OR2L13: variants seen among roughly 807,000 people sequenced by gnomAD.
OR2L13 encodes the protein olfactory receptor 2L13.
Under a neutral mutation model 15.3 loss-of-function variants are expected in OR2L13, and 14 were observed. The ratio of observed to expected loss-of-function variants is 0.91; its 90% CI spans 0.60 to 1.43. OR2L13 has a LOEUF of 1.43. Among genes scored for constraint, OR2L13 ranks in the 40% most tolerant of loss-of-function variants. The pLI, the probability that OR2L13 is intolerant of heterozygous loss-of-function variation, is 0.00. For missense variants in OR2L13, 367 were observed against 387.9 expected (o/e 0.95, Z 0.45); for synonymous variants, 152 against 142.9 (o/e 1.06, Z -0.45).
chr1:247,999,338 C>A, the OR2L13 span, among the ~76,000 whole-genome samples: 1 of 152,122 alleles, frequency 6.6e-6, no homozygotes, highest in Admixed American at 6.5e-5. Flanking sequence ...ATGGAAATGT[C>A]TGTCTACGTA....
chr1:248,052,337 G>C, the OR2L13 span, among the ~76,000 whole-genome samples: 1 of 152,192 alleles, frequency 6.6e-6, no homozygotes, highest in African/African-American at 2.4e-5. Flanking sequence ...ATGTATATGA[G>C]AGGCTATTTC....
chr1:248,091,692 G>C (rs1664601171), upstream of OR2L13, among the ~76,000 whole-genome samples: 1 of 152,100 alleles, frequency 6.6e-6, no homozygotes, highest in African/African-American at 2.4e-5. Context: ...TAGCCTTGTA[G>C]TATAGTTTGA....
At chr1:247,975,468 C>A in the OR2L13 span, 1 of 800,204 alleles carries the variant, frequency 1.2e-6, no homozygotes, top group Non-Finnish European at 2.2e-6. Flanking sequence ...TAGTAATTTT[C>A]TACTATGCAA....
chr1:248,042,767 C>G, the OR2L13 span, among the ~76,000 whole-genome samples: 1 of 152,060 alleles, frequency 6.6e-6, no homozygotes, highest in East Asian at 1.9e-4. Flanking sequence ...TTTTAAAACT[C>G]TCTTTCTCAT....
At chr1:248,100,091 C>G in exon 3 of OR2L13, 1 of 1,614,024 alleles carries the variant, frequency 6.2e-7, no homozygotes, top group African/African-American at 1.3e-5. Context: ...GCCTTCACCA[C>G]CATTTCAACA....
the OR2L13 span, chr1:247,939,000 G>A: frequency 1.3e-5 from 2 of 152,106 alleles, no homozygotes; most frequent in South Asian, 4.1e-4. Flanking sequence ...GAGAAGAAAC[G>A]CAGCTTTTTC....
At chr1:248,025,230 A>G in the OR2L13 span, among the ~76,000 whole-genome samples, 1 of 147,744 alleles carries the variant, frequency 6.8e-6, no homozygotes, top group Non-Finnish European at 1.5e-5. Flanking sequence ...AGAATCTACA[A>G]TGAACTCAAA....
chr1:248,099,472 ATAT>A, exon 3 of OR2L13: 1 of 1,612,788 alleles, frequency 6.2e-7, no homozygotes, highest in East Asian at 2.2e-5. Flanking sequence ...TATCATCCTC[ATAT>A]TCTTTCTGGC....
At chr1:247,939,257 G>T in the OR2L13 span, 5 of 152,204 alleles carry the variant, frequency 3.3e-5, no homozygotes, top group East Asian at 9.6e-4. Flanking sequence ...ACACTAGAGG[G>T]TGAATGAGGA....
chr1:247,962,246 G>T, the OR2L13 span, among the ~76,000 whole-genome samples: 1 of 152,168 alleles, frequency 6.6e-6, no homozygotes, highest in African/African-American at 2.4e-5. Flanking sequence ...TGCCAATTAG[G>T]TAATTGCAAA....
the OR2L13 span, among the ~76,000 whole-genome samples, chr1:248,088,314 C>T: frequency 6.6e-6 from 1 of 151,942 alleles, no homozygotes; most frequent in Non-Finnish European, 1.5e-5. Context: ...GGCCCCAATG[C>T]TTGGATAGCC....
chr1:248,057,506 CTTTAT>C, the OR2L13 span, among the ~76,000 whole-genome samples: 14 of 152,004 alleles, frequency 9.2e-5, no homozygotes, highest in African/African-American at 2.7e-4. Context: ...TTCTCTATTC[CTTTAT>C]TTTGAGTCTG....
upstream of OR2L13, among the ~76,000 whole-genome samples, chr1:248,090,482 C>T (rs528531747): frequency 6.6e-6 from 1 of 152,184 alleles, no homozygotes; most frequent in East Asian, 1.9e-4. Context: ...TTGTTCCTGT[C>T]TGTGTGTCCA....
the OR2L13 span, among the ~76,000 whole-genome samples, chr1:248,075,040 A>G: frequency 6.6e-6 from 1 of 151,962 alleles, no homozygotes; most frequent in Non-Finnish European, 1.5e-5. Context: ...AGCCCCTGAG[A>G]TTCCCCAGTG....
At chr1:248,043,181 A>G in the OR2L13 span, among the ~76,000 whole-genome samples, 1 of 152,156 alleles carries the variant, frequency 6.6e-6, no homozygotes, top group Non-Finnish European at 1.5e-5. Flanking sequence ...CCCATGTTAA[A>G]ATCTGGGATC....
chr1:247,991,331 T>G, the OR2L13 span: 1 of 640,366 alleles, frequency 1.6e-6, no homozygotes, highest in Non-Finnish European at 2.5e-6. Context: ...GATTTGTATT[T>G]TAATTTAGTC....
At chr1:247,961,083 C>T in the OR2L13 span, among the ~76,000 whole-genome samples, 1 of 152,182 alleles carries the variant, frequency 6.6e-6, no homozygotes, top group Admixed American at 6.5e-5. Context: ...CTTGGCTCCA[C>T]CTCCAGAAAA....
At chr1:247,969,469 T>C in the OR2L13 span, among the ~76,000 whole-genome samples, 26 of 152,330 alleles carry the variant, frequency 1.7e-4, no homozygotes, top group African/African-American at 6.3e-4. Context: ...ACTAGCTCTT[T>C]CTTGACACAT....
the OR2L13 span, among the ~76,000 whole-genome samples, chr1:248,071,112 C>T: frequency 6.6e-6 from 1 of 152,068 alleles, no homozygotes; most frequent in African/African-American, 2.4e-5. Flanking sequence ...GGGAATCCTC[C>T]CTAACTCATT....
Sources: allele counts gnomAD v4.1 joint callset (sites outside exome capture counted in the v4.1 genomes callset), GRCh38; gene constraint gnomAD v4.1.1; transcripts MANE v1.5; gene names NCBI Gene and HGNC (gene_info 2026-07-23, HGNC 2026-07-21).